LOC400499: variants seen among roughly 807,000 people sequenced by gnomAD.
chr16:11,459,790 C>T, the LOC400499 span: 1 of 1,142,442 alleles, frequency 8.8e-7, no homozygotes, highest in Non-Finnish European at 1.1e-6. Context: ...GTTTCAGCTG[C>T]TTGCATCCTT....
chr16:11,462,285 G>A, the LOC400499 span: 2 of 1,505,352 alleles, frequency 1.3e-6, no homozygotes, highest in East Asian at 5.0e-5. Flanking sequence ...CCCATGGCTG[G>A]CTGCAGGTCA....
chr16:11,469,010 G>C, the LOC400499 span, among the ~76,000 whole-genome samples: 3 of 152,152 alleles, frequency 2.0e-5, no homozygotes, highest in Admixed American at 6.5e-5. Context: ...TTTTTTTCTT[G>C]TTTATACATT....
the LOC400499 span, among the ~76,000 whole-genome samples, chr16:11,466,808 A>T: frequency 6.6e-6 from 1 of 152,334 alleles, no homozygotes; most frequent in Middle Eastern, 3.4e-3. Context: ...TAATTGTAGA[A>T]TTTAATAATA....
the LOC400499 span, among the ~76,000 whole-genome samples, chr16:11,405,589 G>C: frequency 6.6e-6 from 1 of 152,160 alleles, no homozygotes; most frequent in Non-Finnish European, 1.5e-5. Context: ...GCCACAGTCC[G>C]AGGGTGACTT....
chr16:11,403,480 CAT>C, the LOC400499 span, among the ~76,000 whole-genome samples: 1 of 152,062 alleles, frequency 6.6e-6, no homozygotes, highest in East Asian at 1.9e-4. Flanking sequence ...CATGAGCACA[CAT>C]ACACTCATGA....
At chr16:11,418,470 C>T in the LOC400499 span, among the ~76,000 whole-genome samples, 1 of 152,232 alleles carries the variant, frequency 6.6e-6, no homozygotes, top group African/African-American at 2.4e-5. Flanking sequence ...CACTGCTACA[C>T]TCCCACCAGC....
the LOC400499 span, among the ~76,000 whole-genome samples, chr16:11,513,662 C>T: frequency 6.6e-6 from 1 of 152,064 alleles, no homozygotes; most frequent in African/African-American, 2.4e-5. Context: ...AACTCCTGAT[C>T]TCAAGTTATC....
At chr16:11,407,373 G>A in the LOC400499 span, 1 of 397,672 alleles carries the variant, frequency 2.5e-6, no homozygotes, top group East Asian at 3.6e-5. Flanking sequence ...CACAAAACAC[G>A]ATAAAGCTCC....
chr16:11,476,129 A>C, the LOC400499 span, among the ~76,000 whole-genome samples: 1 of 148,108 alleles, frequency 6.8e-6, no homozygotes, highest in African/African-American at 2.5e-5. Context: ...GCATGGAAAG[A>C]AGGCTGGTGG....
chr16:11,381,314 C>G, the LOC400499 span, among the ~76,000 whole-genome samples: 1 of 152,144 alleles, frequency 6.6e-6, no homozygotes, highest in Non-Finnish European at 1.5e-5. Flanking sequence ...TCATGGCTCA[C>G]TGCAGCCTTG....
chr16:11,425,517 G>A, the LOC400499 span: 4 of 398,196 alleles, frequency 1.0e-5, no homozygotes, highest in Non-Finnish European at 1.3e-5. Flanking sequence ...GAATTTGGGG[G>A]TAAGAAGTTG....
the LOC400499 span, chr16:11,401,921 G>C: frequency 5.0e-5 from 20 of 398,114 alleles, no homozygotes; most frequent in Non-Finnish European, 8.0e-5. Context: ...ATGTGGTACA[G>C]CCTCATTGAC....
chr16:11,428,144 C>G, the LOC400499 span, among the ~76,000 whole-genome samples: 1 of 152,174 alleles, frequency 6.6e-6, no homozygotes. Flanking sequence ...ATATGCTAAA[C>G]TAGGGGTGGA....
chr16:11,432,579 T>A, the LOC400499 span, among the ~76,000 whole-genome samples: 1 of 152,208 alleles, frequency 6.6e-6, no homozygotes, highest in Non-Finnish European at 1.5e-5. Flanking sequence ...AGGGTCATAA[T>A]GAGTGATTGA....
At chr16:11,375,614 C>A in the LOC400499 span, among the ~76,000 whole-genome samples, 280 of 151,952 alleles carry the variant, frequency 1.8e-3, 1 homozygote, top group African/African-American at 6.5e-3. Flanking sequence ...TGCCTGGCCT[C>A]TCCATGTGGT....
chr16:11,401,388 G>C, the LOC400499 span: 4 of 399,758 alleles, frequency 1.0e-5, no homozygotes, highest in Non-Finnish European at 1.3e-5. Flanking sequence ...CCCAGCCACA[G>C]GGAGGAGGAG....
chr16:11,454,711 G>A, the LOC400499 span, among the ~76,000 whole-genome samples: 1 of 152,298 alleles, frequency 6.6e-6, no homozygotes, highest in South Asian at 2.1e-4. Flanking sequence ...GCTTTAAGCT[G>A]CCCAATTCAG....
chr16:11,495,468 C>T, the LOC400499 span, among the ~76,000 whole-genome samples: 1 of 151,976 alleles, frequency 6.6e-6, no homozygotes, highest in Non-Finnish European at 1.5e-5. Context: ...GCAACCTCCA[C>T]CTCCTGGGTT....
the LOC400499 span, among the ~76,000 whole-genome samples, chr16:11,397,799 G>A: frequency 7.0e-6 from 1 of 142,990 alleles, no homozygotes; most frequent in Non-Finnish European, 1.5e-5. Flanking sequence ...GGGAGGGAGG[G>A]ATGGACGGAC....
Sources: gnomAD v4.1 joint callset for allele counts (sites outside exome capture counted in the v4.1 genomes callset) on GRCh38, gnomAD v4.1.1 for gene constraint, MANE v1.5 for transcripts.